Variants in ACAP3 observed in about 807,000 individuals in gnomAD.
The protein encoded by ACAP3 is ArfGAP with coiled-coil, ankyrin repeat and PH domains 3, also known as arf-GAP with coiled-coil, ANK repeat and PH domain-containing protein 3.
In ACAP3, 56 loss-of-function variants were observed where a neutral mutation model predicts 104.1. The observed-to-expected ratio is 0.54, with a 90% CI of 0.43 to 0.67. The LOEUF (loss-of-function observed/expected upper bound fraction) is 0.67, where lower values mean the gene tolerates loss of function less well. Ranked by LOEUF, ACAP3 falls within the 30% of genes least tolerant of loss-of-function variation. ACAP3 has a pLI of 0.00. For synonymous variants in ACAP3, 628 were observed against 496.2 expected (o/e 1.27, Z -3.53); for missense variants, 1,208 against 1,174.9 (o/e 1.03, Z -0.41).
In ACAP3 at chr1:1,300,465, C is replaced by T. The variant is rs60785581; in HGVS notation, c.522+44G>A. The T allele has an allele frequency of 7.4e-3, 11,554 of 1,563,970 alleles. 711 individuals are homozygous for T. The African/African-American group carries it at 0.13, about 18-fold the overall frequency. ...GTACAAGGCCGTTGAGGCCTCCATT[C>T]GCTACAGCTGGTCCCCGCCCCCCAG... On this transcript the variant is annotated intron_variant, in intron 6 of 23. Coordinates refer to ENST00000354700, the MANE Select transcript of ACAP3 (RefSeq NM_030649.3).
rs1002258548 is a variant in ACAP3, at chr1:1,294,750, G to A, written c.1880C>T (p.Ser627Leu). Residue 627 changes from serine (S) to leucine (L), a missense_variant, in exon 20 of 24, where the codon TCG (serine) becomes TTG (leucine). Ser to Leu is a moderately radical substitution (Grantham distance 145). Transcript: ENST00000354700. Reference sequence around the variant, plus strand: ...AGTGACGCTGTCCACCACAGAGCCCGAGCCGAAAGCCAGGACGTCCGAGCT... The same window carrying A: ...AGTGACGCTGTCCACCACAGAGCCCAAGCCGAAAGCCAGGACGTCCGAGCT... ...DGSSDVLAFG[S>L]GSVVDSVTEE... The A allele has an allele frequency of 2.1e-5, 33 of 1,549,714 alleles. No homozygotes were observed. Among genetic ancestry groups the A allele is most frequent in the African/African-American group, 1.6e-4 (12 of 72,982 alleles).
Position 1,295,630 on chromosome 1 carries a change from C to T in ACAP3, c.1706-76G>A. ...GGGAACCCCAGGTCACGCCGGGAGT[C>T]TGCGGAGCCTGAGGTGCCCCCAGAG... On this transcript the variant is annotated intron_variant, in intron 18 of 23. Transcript: ENST00000354700. 6 of 1,563,666 alleles carry T rather than the reference C, an allele frequency of 3.8e-6. No homozygotes were observed. The South Asian group carries it at 6.9e-5, about 18-fold the overall frequency.
chr1:1,296,714 A>C (rs1012769861), intron 14 of ACAP3, 81 bp from the exon 15 acceptor site: 4 of 1,426,332 alleles, frequency 2.8e-6, no homozygotes, highest in Non-Finnish European at 2.8e-6. Context: ...CCCCAGCCAG[A>C]AGAGCCAATG....
chr1:1,294,225 G>C, intron 21 of ACAP3, 26 bp from the exon 22 acceptor site: 2 of 1,556,642 alleles, frequency 1.3e-6, no homozygotes, highest in African/African-American at 1.4e-5. Context: ...AACTCAGACG[G>C]AGCCACGGCA....
At chr1:1,307,365 C>G in intron 1 of ACAP3, 1 of 1,290,120 alleles carries the variant, frequency 7.8e-7, no homozygotes, top group South Asian at 1.2e-5. Context: ...CTCCAGCTGC[C>G]TGTTCCCCAC....
At chr1:1,301,928 C>T (rs1392755227) in intron 5 of ACAP3, 60 bp downstream of exon 5, 16 of 1,447,176 alleles carry the variant, frequency 1.1e-5, no homozygotes, top group Middle Eastern at 1.9e-4. Flanking sequence ...AGACCCCCTT[C>T]CCCTCCAAGG....
chr1:1,297,646 CGT>C (rs1220307386), intron 14 of ACAP3, among the ~76,000 whole-genome samples, 174 bp downstream of exon 14: 12 of 81,554 alleles, frequency 1.5e-4, no homozygotes, highest in Admixed American at 2.4e-4. Flanking sequence ...CCCAGTGGCA[CGT>C]GTGTGTGTGC....
chr1:1,293,929 C>T lies in ACAP3; in HGVS notation c.2254G>A (p.Val752Ile). Residue 752 changes from valine (V) to isoleucine (I), a missense_variant, in exon 23 of 24, where the codon GTT becomes ATT. Val to Ile is a conservative substitution (Grantham distance 29, BLOSUM62 3). Transcript: ENST00000354700. ...GCGCCCCGCTTCAGGAACAGGCAAA[C>T]CTGGCTGAGGGGCGAGGTCGGAGGG... ...HATLLGRTGQ[V>I]CLFLKRGADQ... The T allele has an allele frequency of 5.7e-6, 9 of 1,574,708 alleles. No individual in the cohort carries two copies. Among genetic ancestry groups the T allele is most frequent in the Non-Finnish European group, 7.7e-6 (9 of 1,163,332 alleles).
rs1394156398 is a variant in ACAP3, at chr1:1,296,459, C to G, written c.1303G>C (p.Val435Leu). Reference sequence around the variant, plus strand: ...CCGGAGCACTCAATGCAGAGCAGCACGCCCAGGTTGATGCTGGCCCAGCGG... The same window carrying G: ...CCGGAGCACTCAATGCAGAGCAGCAGGCCCAGGTTGATGCTGGCCCAGCGG... ...DPRWASINLG[V>L]LLCIECSGIH... Residue 435 changes from valine (V) to leucine (L), a missense_variant, in exon 15 of 24, where the codon GTG (valine) becomes CTG (leucine). Physicochemically the swap from Val to Leu is conservative, Grantham distance 32 (BLOSUM62 1). Transcript: ENST00000354700. 1 of 1,546,608 alleles carries G rather than the reference C, an allele frequency of 6.5e-7. No individual in the cohort carries two copies. Among genetic ancestry groups the G allele is most frequent in the Non-Finnish European group, 8.7e-7 (1 of 1,147,330 alleles).
At chr1:1,300,274 T>C (rs1570651478) in intron 6 of ACAP3, 72 bp from the exon 7 acceptor site, 1 of 1,511,090 alleles carries the variant, frequency 6.6e-7, no homozygotes, top group African/African-American at 1.4e-5. Flanking sequence ...TGCCATAGAG[T>C]CCACCTGAGC....
Position 1,293,675 on chromosome 1 carries a change from G to C in ACAP3, c.2394C>G (p.Arg798=), listed in dbSNP as rs1277963798. The C allele has an allele frequency of 4.1e-6, 6 of 1,456,386 alleles. No individual in the cohort carries two copies. Among genetic ancestry groups the C allele is most frequent in the Non-Finnish European group, 5.4e-6 (6 of 1,115,016 alleles). 90.2% of individuals were successfully genotyped at this position (1,456,386 alleles called of 1,614,324 possible). The part of the protein sequence containing the change: ...LRLARMAEEM[R]EAEAAPGPPG... Reference sequence around the variant, plus strand: ...GGGGACCAGGGGCAGCCTCGGCCTCGCGCATTTCCTCCGCCATGCGCGCCA... The same window carrying C: ...GGGGACCAGGGGCAGCCTCGGCCTCCCGCATTTCCTCCGCCATGCGCGCCA... The change falls in exon 24 of 24, where the codon CGC becomes CGG. Residue 798 remains arginine, a synonymous_variant. Transcript: ENST00000354700.
chr1:1,295,989 C>G (rs1055863005), intron 17 of ACAP3, 26 bp downstream of exon 17: 9 of 1,612,748 alleles, frequency 5.6e-6, no homozygotes, highest in African/African-American at 1.3e-5. Flanking sequence ...GGCTCCCTGA[C>G]TGATCCAGAC....
At chr1:1,304,296 A>G (rs1216600367) in intron 1 of ACAP3, 153 bp from the exon 2 acceptor site, 14 of 927,436 alleles carry the variant, frequency 1.5e-5, no homozygotes, top group Non-Finnish European at 2.3e-5. Context: ...CGGGGGCAGG[A>G]CTGGGACCAG....
chr1:1,295,803 G>T lies in ACAP3; in HGVS notation c.1638C>A (p.Arg546=), dbSNP rs765167564. ...QKCLRPHSSP[R]APTARRKVRL... is the part of the protein sequence containing the mutation. ...GGACCTTGCGGCGGGCAGTGGGAGC[G>T]CGGGGAGAGCTGTGGGGCCGCAGGC... Residue 546 remains arginine, a synonymous_variant, in exon 18 of 24, where the codon CGC becomes CGA. Coordinates refer to ENST00000354700, the MANE Select transcript of ACAP3 (RefSeq NM_030649.3). The T allele has an allele frequency of 1.4e-5, 22 of 1,609,824 alleles. No individual in the cohort carries two copies. The highest frequency in any genetic ancestry group is 1.6e-5 in the Non-Finnish European group (19 of 1,179,834).
At chr1:1,304,037 G>A in intron 2 of ACAP3, 49 bp downstream of exon 2, 1 of 1,548,774 alleles carries the variant, frequency 6.5e-7, no homozygotes, top group Non-Finnish European at 8.7e-7. Flanking sequence ...TGGCCATGTG[G>A]CCATCCCAAG....
Position 1,302,025 on chromosome 1 carries a change from T to G in ACAP3, c.301A>C (p.Arg101=). ...YHMILFDQAQ[R]SVRQQLQSFV... Reference sequence around the variant, plus strand: ...CTCTGGAGCTGCTGCCGCACGGACCTCTGGGCCTGGTCAAACAGGATCTGG... The same window carrying G: ...CTCTGGAGCTGCTGCCGCACGGACCGCTGGGCCTGGTCAAACAGGATCTGG... Residue 101 remains arginine, a synonymous_variant, in exon 5 of 24, where the codon AGG becomes CGG. Coordinates refer to ENST00000354700, the MANE Select transcript of ACAP3 (RefSeq NM_030649.3). The G allele has an allele frequency of 6.4e-7, 1 of 1,565,182 alleles. No homozygotes were observed. Among genetic ancestry groups the G allele is most frequent in the Middle Eastern group, 1.7e-4 (1 of 5,872 alleles).
intron 9 of ACAP3, chr1:1,299,579 G>A (rs1019756651): frequency 4.6e-5 from 33 of 716,938 alleles, no homozygotes; most frequent in South Asian, 4.0e-4. Context: ...CAAAGGCCCC[G>A]CAAGGAGCCA....
intron 22 of ACAP3, 21 bp from the exon 23 acceptor site, chr1:1,293,954 G>A (rs536756876): frequency 6.1e-5 from 95 of 1,545,954 alleles, no homozygotes; most frequent in South Asian, 2.9e-4. Flanking sequence ...AGGTCGGAGG[G>A]GCGTGTCGGG....
At chr1:1,293,743 T>C (rs1380958629) in intron 23 of ACAP3, 35 bp from the exon 24 acceptor site, 1 of 1,454,258 alleles carries the variant, frequency 6.9e-7, no homozygotes, top group Admixed American at 2.6e-5. Flanking sequence ...GCCCCTGCCC[T>C]GGAGGCCCCG....
Sources: gnomAD v4.1 joint callset for allele counts (sites outside exome capture counted in the v4.1 genomes callset) on GRCh38, gnomAD v4.1.1 for gene constraint, MANE v1.5 for transcripts, NCBI Gene and HGNC (gene_info 2026-07-23, HGNC 2026-07-21) for gene names.